CDH8: variants seen among roughly 807,000 people sequenced by gnomAD.
The protein encoded by CDH8 is cadherin 8, also known as cadherin-8.
A neutral mutation model predicts 68.1 loss-of-function variants in CDH8; 17 were observed. That is an observed-to-expected ratio of 0.25 (90% CI 0.17 to 0.37). The LOEUF (loss-of-function observed/expected upper bound fraction) is 0.37. Among genes scored for constraint, CDH8 ranks in the 10% least tolerant of loss-of-function variants. CDH8 has a pLI of 1.00. For missense variants in CDH8, 763 were observed against 999.3 expected (o/e 0.76, Z 3.19); for synonymous variants, 372 against 365.1 (o/e 1.02, Z -0.21).
At chr16:61,738,108 T>C (rs1028224987) in intron 8 of CDH8, among the ~76,000 whole-genome samples, 2 of 152,114 alleles carry the variant, frequency 1.3e-5, no homozygotes, top group African/African-American at 4.8e-5. Context: ...GGGAAGAAAT[T>C]CTTTCTCTCA....
At position 61,652,435 on chromosome 16, in the gene CDH8, T is replaced by G; in HGVS notation, c.*1173A>C. On this transcript the variant is annotated 3_prime_UTR_variant, in exon 12 of 12. Coordinates refer to ENST00000577390, the MANE Select transcript of CDH8 (RefSeq NM_001796.5). ...TCAATATACTTTAGGATGTTTGTGC[T>G]TGTAGTAAAAACACCAAATACTAGG... is the stretch of plus-strand genomic sequence containing the variant. The G allele has an allele frequency of 2.0e-6, 2 of 985,888 alleles. No individual in the cohort carries two copies. Among genetic ancestry groups the G allele is most frequent in the Non-Finnish European group, 2.4e-6 (2 of 830,160 alleles). 61.1% of individuals were successfully genotyped at this position (985,888 alleles called of 1,614,324 possible).
rs150954224 is a variant in CDH8 at position 61,845,500 on chromosome 16, T to G, written c.667+11619A>C. On this transcript the variant is annotated intron_variant, in intron 4 of 11. Transcript: ENST00000577390. Reference sequence around the variant, plus strand: ...TACCTTTAAAGAAACTCTCCAGATATGTAAAAAAAAAAAAAAAAAAAACTA... The same window carrying G: ...TACCTTTAAAGAAACTCTCCAGATAGGTAAAAAAAAAAAAAAAAAAAACTA... Among the ~76,000 whole-genome samples the G allele has an allele frequency of 9.8e-3, 1,063 of 108,006 alleles. 17 individuals carry two copies. Among genetic ancestry groups the G allele is most frequent in the African/African-American group, 0.035 (996 of 28,742 alleles). The allele number at this position is 108,006 out of a possible 152,430, so 70.9% of individuals were successfully genotyped here.
At chr16:61,939,166 GT>G (rs1286756316) in intron 2 of CDH8, among the ~76,000 whole-genome samples, 1 of 152,094 alleles carries the variant, frequency 6.6e-6, no homozygotes, top group Non-Finnish European at 1.5e-5. Context: ...ATAGATATTG[GT>G]GTTAGATACA....
At chr16:61,885,290 T>G (rs913335158) in intron 3 of CDH8, among the ~76,000 whole-genome samples, 2 of 152,214 alleles carry the variant, frequency 1.3e-5, no homozygotes, top group Non-Finnish European at 2.9e-5. Flanking sequence ...CCTGTTCAGC[T>G]TATGCTGTTA....
intron 2 of CDH8, among the ~76,000 whole-genome samples, chr16:61,924,606 T>G (rs919621489): frequency 6.6e-6 from 1 of 152,122 alleles, no homozygotes; most frequent in Admixed American, 6.5e-5. Flanking sequence ...TACTCAAAAA[T>G]TGCAGTCATG....
intron 11 of CDH8, 131 bp downstream of exon 11, chr16:61,655,339 G>A: frequency 2.4e-6 from 2 of 848,144 alleles, no homozygotes; most frequent in Non-Finnish European, 3.6e-6. Flanking sequence ...TCAAAATGTG[G>A]AGAAGGAAAG....
At chr16:61,671,567 A>G (rs1245597495) in intron 10 of CDH8, among the ~76,000 whole-genome samples, 1 of 152,100 alleles carries the variant, frequency 6.6e-6, no homozygotes, top group African/African-American at 2.4e-5. Flanking sequence ...ATGTGATATT[A>G]AAACAGCCTG....
At chr16:62,010,905 T>C (rs1337194901) in intron 2 of CDH8, among the ~76,000 whole-genome samples, 1 of 151,022 alleles carries the variant, frequency 6.6e-6, no homozygotes, top group Non-Finnish European at 1.5e-5. Flanking sequence ...ATCACACCAT[T>C]GCATTCCAGT....
intron 10 of CDH8, among the ~76,000 whole-genome samples, chr16:61,706,579 C>T (rs1964537710): frequency 6.8e-6 from 1 of 146,688 alleles, no homozygotes; most frequent in Admixed American, 6.8e-5. Flanking sequence ...CGAGATCGCG[C>T]CACCGCACTC....
At chr16:61,777,474 C>T (rs1275455464) in intron 8 of CDH8, among the ~76,000 whole-genome samples, 5 of 152,008 alleles carry the variant, frequency 3.3e-5, no homozygotes, top group Non-Finnish European at 5.9e-5. Context: ...GGTATAGGTG[C>T]GTCTTATCTA....
At chr16:61,981,435 T>C (rs546730799) in intron 2 of CDH8, among the ~76,000 whole-genome samples, 39 of 152,326 alleles carry the variant, frequency 2.6e-4, no homozygotes, top group African/African-American at 9.4e-4. Context: ...TTGCTTTCTG[T>C]AGGAATCTAA....
At chr16:61,884,257 A>G (rs528393222) in intron 3 of CDH8, among the ~76,000 whole-genome samples, 1 of 152,046 alleles carries the variant, frequency 6.6e-6, no homozygotes, top group Admixed American at 6.5e-5. Context: ...AGCAAGACCA[A>G]CTCCTTCTCT....
intron 10 of CDH8, among the ~76,000 whole-genome samples, chr16:61,713,565 G>A (rs1159427606): frequency 6.6e-6 from 1 of 151,560 alleles, no homozygotes; most frequent in Non-Finnish European, 1.5e-5. Flanking sequence ...AGCTTTCACA[G>A]GGGTTAAATT....
intron 4 of CDH8, among the ~76,000 whole-genome samples, chr16:61,849,874 A>C (rs1057201244): frequency 6.6e-6 from 1 of 152,174 alleles, no homozygotes; most frequent in African/African-American, 2.4e-5. Flanking sequence ...GTTTCATTAA[A>C]TACAAACAAA....
At chr16:61,989,415 C>T (rs1258993561) in intron 2 of CDH8, among the ~76,000 whole-genome samples, 1 of 152,166 alleles carries the variant, frequency 6.6e-6, no homozygotes, top group Non-Finnish European at 1.5e-5. Context: ...AAATGGTAAA[C>T]TCTCAAGACA....
At chr16:61,731,266 G>A (rs551089640) in intron 8 of CDH8, among the ~76,000 whole-genome samples, 343 of 150,396 alleles carry the variant, frequency 2.3e-3, no homozygotes, top group Non-Finnish European at 3.8e-3. Flanking sequence ...GAGGCTAGTT[G>A]CCAGAGAGAA....
At chr16:61,777,545 C>T (rs12443557) in intron 8 of CDH8, among the ~76,000 whole-genome samples, 6,589 of 152,066 alleles carry the variant, frequency 0.043, 397 homozygotes, top group East Asian at 0.24. Flanking sequence ...TAAAGGAATG[C>T]CTGGCTAAAA....
At chr16:61,664,491 T>C (rs115301136) in intron 10 of CDH8, among the ~76,000 whole-genome samples, 4 of 152,144 alleles carry the variant, frequency 2.6e-5, no homozygotes, top group African/African-American at 9.6e-5. Context: ...TCCCTTCATG[T>C]TATTTGTTGT....
At chr16:61,876,850 G>T (rs893768719) in intron 3 of CDH8, among the ~76,000 whole-genome samples, 1 of 151,810 alleles carries the variant, frequency 6.6e-6, no homozygotes, top group East Asian at 1.9e-4. Flanking sequence ...TTTGGTATAC[G>T]GATCAGCATA....
Sources: gnomAD v4.1 joint callset for allele counts (sites outside exome capture counted in the v4.1 genomes callset) on GRCh38, gnomAD v4.1.1 for gene constraint, MANE v1.5 for transcripts, NCBI Gene and HGNC (gene_info 2026-07-23, HGNC 2026-07-21) for gene names.